The following STT3B variants were observed in gnomAD, a reference collection of about 807,000 sequenced individuals.
STT3B encodes dolichyl-diphosphooligosaccharide--protein glycosyltransferase subunit STT3B.
A neutral mutation model predicts 96.8 loss-of-function variants in STT3B; 29 were observed. The observed-to-expected ratio is 0.30, with a 90% confidence interval of 0.22 to 0.41. The LOEUF is 0.41. STT3B is among the 10% of genes least tolerant of loss of function. STT3B has a pLI of 1.00. For synonymous variants in STT3B, 367 were observed against 360.0 expected, an observed-to-expected ratio of 1.02 and a Z score of -0.22; for missense variants, 640 against 1,022.3, an observed-to-expected ratio of 0.63 and a Z score of 5.10.
At chr3:31,538,253 C>T (rs1192573574) in intron 1 of STT3B, among the ~76,000 whole-genome samples, 1 of 152,200 alleles carries the variant, frequency 6.6e-6, no homozygotes, top group East Asian at 1.9e-4. Flanking sequence ...TGTTCCCCAA[C>T]ACCATGATAA....
chr3:31,603,097 G>A (rs1053302483), intron 5 of STT3B, among the ~76,000 whole-genome samples: 7 of 151,992 alleles, frequency 4.6e-5, no homozygotes, highest in African/African-American at 7.2e-5. Flanking sequence ...GAGCAGAAAT[G>A]TTTAGGTAAA....
chr3:31,561,302 A>C (rs1295912590), intron 1 of STT3B, among the ~76,000 whole-genome samples: 1 of 151,606 alleles, frequency 6.6e-6, no homozygotes, highest in Non-Finnish European at 1.5e-5. Flanking sequence ...TTATGGGTAC[A>C]TGATAAGTAT....
intron 1 of STT3B, among the ~76,000 whole-genome samples, chr3:31,557,726 G>A (rs183569560): frequency 3.0e-3 from 456 of 152,216 alleles, no homozygotes; most frequent in Non-Finnish European, 5.1e-3. Flanking sequence ...TCCGCCTCCC[G>A]GGTTCACACC....
At chr3:31,624,398 A>C (rs541204752) in intron 11 of STT3B, among the ~76,000 whole-genome samples, 17 of 152,314 alleles carry the variant, frequency 1.1e-4, no homozygotes, top group African/African-American at 4.1e-4. Flanking sequence ...GTTTTTCTCA[A>C]ATGTGTGGTC....
chr3:31,564,241 G>A (rs1245595120), intron 1 of STT3B, among the ~76,000 whole-genome samples: 1 of 152,200 alleles, frequency 6.6e-6, no homozygotes, highest in Non-Finnish European at 1.5e-5. Flanking sequence ...TCGGGCGACA[G>A]TTGTGTAAAA....
chr3:31,611,337 T>A (rs1699175388), intron 5 of STT3B, among the ~76,000 whole-genome samples: 1 of 152,172 alleles, frequency 6.6e-6, no homozygotes, highest in African/African-American at 2.4e-5. Flanking sequence ...TCTTAGAGGG[T>A]AGGATTGATC....
At chr3:31,599,136 T>A (rs2125462842) in intron 4 of STT3B, among the ~76,000 whole-genome samples, 1 of 152,306 alleles carries the variant, frequency 6.6e-6, no homozygotes, top group African/African-American at 2.4e-5. Flanking sequence ...AACAGGTTTC[T>A]TAAGATTGGG....
chr3:31,577,194 A>AT (rs1698283700), intron 2 of STT3B, among the ~76,000 whole-genome samples: 1 of 151,942 alleles, frequency 6.6e-6, no homozygotes, highest in Non-Finnish European at 1.5e-5. Flanking sequence ...TTTGTTTTGC[A>AT]TTTTTTAAAT....
At chr3:31,572,123 A>G (rs1193275134) in intron 1 of STT3B, among the ~76,000 whole-genome samples, 1 of 137,556 alleles carries the variant, frequency 7.3e-6, no homozygotes, top group Non-Finnish European at 1.5e-5. Context: ...ATATATCTCA[A>G]AAAGGAAGCA....
chr3:31,600,074 A>G (rs937369962), intron 4 of STT3B, among the ~76,000 whole-genome samples: 11 of 152,190 alleles, frequency 7.2e-5, no homozygotes, highest in Admixed American at 6.5e-5. Flanking sequence ...TTTACTGACA[A>G]TTCACAAATT....
At chr3:31,550,159 T>A (rs1257613156) in intron 1 of STT3B, among the ~76,000 whole-genome samples, 2 of 152,230 alleles carry the variant, frequency 1.3e-5, no homozygotes, top group Non-Finnish European at 2.9e-5. Flanking sequence ...TCACTGCCAG[T>A]TAAGGCAGAA....
At chr3:31,604,491 T>C (rs1250048277) in intron 5 of STT3B, among the ~76,000 whole-genome samples, 1 of 152,202 alleles carries the variant, frequency 6.6e-6, no homozygotes, top group Non-Finnish European at 1.5e-5. Context: ...CTCTGGAGTT[T>C]ATTTTGTCTA....
intron 14 of STT3B, 35 bp from the exon 15 acceptor site, chr3:31,632,900 A>G (rs777575643): frequency 6.4e-7 from 1 of 1,573,960 alleles, no homozygotes; most frequent in Non-Finnish European, 8.7e-7. Flanking sequence ...GTTTTCCAAT[A>G]TGGTTAACAC....
intron 12 of STT3B, among the ~76,000 whole-genome samples, chr3:31,625,290 C>T (rs1030276652): frequency 1.3e-5 from 2 of 152,108 alleles, no homozygotes; most frequent in Non-Finnish European, 2.9e-5. Context: ...TTCAGAATTG[C>T]AGGCTGATTT....
At chr3:31,559,776 G>T (rs1389594665) in intron 1 of STT3B, among the ~76,000 whole-genome samples, 1 of 152,010 alleles carries the variant, frequency 6.6e-6, no homozygotes, top group Non-Finnish European at 1.5e-5. Context: ...CTGATGGTGA[G>T]AGTGGATTGT....
chr3:31,630,899 C>G (rs1308868490), intron 14 of STT3B, among the ~76,000 whole-genome samples: 1 of 151,974 alleles, frequency 6.6e-6, no homozygotes, highest in African/African-American at 2.4e-5. Flanking sequence ...CAGGTTCATG[C>G]CATTCTCCTG....
intron 1 of STT3B, among the ~76,000 whole-genome samples, chr3:31,546,640 CACTT>C (rs539131398): frequency 5.3e-5 from 8 of 152,160 alleles, no homozygotes; most frequent in African/African-American, 7.2e-5. Flanking sequence ...TCTTTGGAAA[CACTT>C]ACCACAATGT....
At chr3:31,570,966 G>C (rs1698121693) in intron 1 of STT3B, among the ~76,000 whole-genome samples, 1 of 152,096 alleles carries the variant, frequency 6.6e-6, no homozygotes, top group Admixed American at 6.6e-5. Context: ...GATTCTTTCT[G>C]AACTGACTTA....
intron 1 of STT3B, among the ~76,000 whole-genome samples, chr3:31,546,841 A>T (rs1223302631): frequency 6.6e-6 from 1 of 152,142 alleles, no homozygotes; most frequent in African/African-American, 2.4e-5. Flanking sequence ...AAGCAATCCT[A>T]TTAGATATTT....
Sources: gnomAD v4.1 joint callset for allele counts (sites outside exome capture counted in the v4.1 genomes callset) on GRCh38, gnomAD v4.1.1 for gene constraint, MANE v1.5 for transcripts, NCBI Gene and HGNC (gene_info 2026-07-23, HGNC 2026-07-21) for gene names.